PCNX2: variants seen among roughly 807,000 people sequenced by gnomAD.
PCNX2 encodes pecanex 2.
PCNX2 carries 168 observed loss-of-function variants against 223.8 expected under a neutral mutation model. The observed-to-expected ratio is 0.75, with a 90% CI of 0.66 to 0.85. PCNX2 has a LOEUF of 0.85. PCNX2 is among the 40% of genes least tolerant of loss of function. PCNX2 has a pLI of 0.00. For synonymous variants in PCNX2, 1,006 were observed against 1,052.6 expected, an observed-to-expected ratio of 0.96 and a Z score of 0.86; for missense variants, 2,507 against 2,675.5, an observed-to-expected ratio of 0.94 and a Z score of 1.39.
chr1:233,111,772 C>A (rs1269145932), intron 21 of PCNX2, among the ~76,000 whole-genome samples: 1 of 152,168 alleles, frequency 6.6e-6, no homozygotes, highest in Non-Finnish European at 1.5e-5. Context: ...TGGCAGCAGG[C>A]ACTGGTATTA....
chr1:233,236,390 T>C, intron 9 of PCNX2, among the ~76,000 whole-genome samples: 1 of 152,256 alleles, frequency 6.6e-6, no homozygotes, highest in Admixed American at 6.5e-5. Flanking sequence ...TTTTTAGACC[T>C]CTTGATGATA....
chr1:233,198,664 A>C (rs891582450), intron 15 of PCNX2, among the ~76,000 whole-genome samples: 1 of 152,204 alleles, frequency 6.6e-6, no homozygotes, highest in Admixed American at 6.5e-5. Context: ...CATGTTAAGC[A>C]GCAGCCCCTC....
intron 19 of PCNX2, among the ~76,000 whole-genome samples, chr1:233,149,319 T>C (rs1023381496): frequency 1.3e-5 from 2 of 152,216 alleles, no homozygotes; most frequent in Admixed American, 6.5e-5. Flanking sequence ...TAAGTTCTTC[T>C]CCATAATTAA....
intron 1 of PCNX2, among the ~76,000 whole-genome samples, chr1:233,275,613 A>G (rs1660865885): frequency 6.6e-6 from 1 of 152,246 alleles, no homozygotes; most frequent in African/African-American, 2.4e-5. Context: ...GACTTCTTCA[A>G]AAAATTAATA....
Position 233,006,147 on chromosome 1 carries a change from A to C in PCNX2, c.4953-4466T>G, listed in dbSNP as rs113256848. Among the ~76,000 whole-genome samples, 290 of 152,340 alleles carry C rather than the reference A, an allele frequency of 1.9e-3. 1 individual carries two copies. Among genetic ancestry groups the C allele is most frequent in the African/African-American group, 6.9e-3 (285 of 41,578 alleles). On this transcript the variant is annotated intron_variant, in intron 28 of 33. Coordinates refer to ENST00000258229, the MANE Select transcript of PCNX2 (RefSeq NM_014801.4). ...GCACCAGCTTCCATGGCACCATGGA[A>C]GTGCTAAATACTGTCATAAATAAAA... is the stretch of plus-strand genomic sequence containing the variant.
chr1:233,054,755 ATTAT>A (rs1672126391), intron 24 of PCNX2: 1 of 231,732 alleles, frequency 4.3e-6, no homozygotes, highest in Non-Finnish European at 8.3e-6. Flanking sequence ...CATTGCTAGT[ATTAT>A]TTGTTAAATA....
chr1:233,057,390 G>T (rs1672232984), intron 23 of PCNX2, 100 bp from the exon 24 acceptor site: 1 of 882,574 alleles, frequency 1.1e-6, no homozygotes, highest in South Asian at 1.4e-5. Context: ...ATGCAAAGGT[G>T]ACAGATCTCA....
chr1:233,193,236 A>G (rs1468643751), intron 15 of PCNX2, among the ~76,000 whole-genome samples: 1 of 151,674 alleles, frequency 6.6e-6, no homozygotes, highest in Non-Finnish European at 1.5e-5. Flanking sequence ...AAGGAAAACT[A>G]TAAGGAGAGG....
At chr1:233,029,299 C>T (rs1403730525) in intron 25 of PCNX2, among the ~76,000 whole-genome samples, 1 of 152,104 alleles carries the variant, frequency 6.6e-6, no homozygotes, top group Non-Finnish European at 1.5e-5. Context: ...ATGAGTCCTC[C>T]AATGATATAA....
chr1:233,303,852 A>G, the PCNX2 span, among the ~76,000 whole-genome samples: 1 of 151,916 alleles, frequency 6.6e-6, no homozygotes, highest in African/African-American at 2.4e-5. Flanking sequence ...TTTACTTTTA[A>G]CTTTTCTGTG....
At position 232,986,188 on chromosome 1, in the gene PCNX2, A is replaced by G. The variant is rs371560968; in HGVS notation, c.6144T>C (p.Ser2048=). ...CACTGGTATTGCCCCCCTCCGCAGC[A>G]GAGAGTCCGGAAATGACGAGCGCGC... The part of the protein sequence containing the change: ...FSSALVISGL[S]AAEGGNTSDT... Residue 2048 remains serine, a synonymous_variant, in exon 33 of 34, where the codon TCT becomes TCC. Transcript: ENST00000258229. 61 of 1,561,452 alleles carry G rather than the reference A, an allele frequency of 3.9e-5. No individual in the cohort carries two copies. In the African/African-American group the frequency reaches 7.3e-4, roughly 19 times the overall value.
chr1:233,038,954 C>T (rs1671550870), intron 25 of PCNX2, among the ~76,000 whole-genome samples: 1 of 152,174 alleles, frequency 6.6e-6, no homozygotes, highest in Admixed American at 6.5e-5. Context: ...TGTGTAGCTA[C>T]ATCCTGATAA....
chr1:233,227,476 A>C (rs2102946311), intron 9 of PCNX2, 105 bp from the exon 10 acceptor site: 1 of 999,306 alleles, frequency 1.0e-6, no homozygotes, highest in Non-Finnish European at 1.3e-6. Context: ...ATATATGTAC[A>C]CCATAATTTA....
chr1:233,106,501 T>C (rs990115898), intron 21 of PCNX2, among the ~76,000 whole-genome samples: 2 of 151,968 alleles, frequency 1.3e-5, no homozygotes, highest in Admixed American at 1.3e-4. Flanking sequence ...TGCAGGCACG[T>C]GCCACCACAC....
In PCNX2 at chr1:233,178,003, T is replaced by G. The variant is rs1166694791; in HGVS notation, c.3177-105A>C. On this transcript the variant is annotated intron_variant, in intron 16 of 33. Coordinates refer to ENST00000258229, the MANE Select transcript of PCNX2 (RefSeq NM_014801.4). The stretch of plus-strand genomic sequence containing the variant: ...CACACCCACACATGACAAAAACAAG[T>G]GCTCTCTTCATTTAAAAATTTATAA... The G allele has an allele frequency of 3.9e-6, 3 of 765,888 alleles. No homozygotes were observed. The South Asian group carries it at 5.4e-5, about 14-fold the overall frequency. 47.4% of individuals were successfully genotyped at this position (765,888 alleles called of 1,614,324 possible).
intron 1 of PCNX2, among the ~76,000 whole-genome samples, chr1:233,278,454 T>C (rs986500555): frequency 2.0e-5 from 3 of 152,140 alleles, no homozygotes; most frequent in African/African-American, 4.8e-5. Context: ...ATCATGTCAA[T>C]GGGACAAGCG....
At chr1:233,068,586 GC>G (rs1672717545) in intron 23 of PCNX2, among the ~76,000 whole-genome samples, 1 of 152,080 alleles carries the variant, frequency 6.6e-6, no homozygotes, top group African/African-American at 2.4e-5. Flanking sequence ...AGCAGGGGAA[GC>G]TAAATGGACA....
chr1:233,027,487 G>A (rs1383680014), intron 25 of PCNX2, among the ~76,000 whole-genome samples: 1 of 152,144 alleles, frequency 6.6e-6, no homozygotes, highest in African/African-American at 2.4e-5. Context: ...TTCCAAAGAA[G>A]CATCACTTAG....
chr1:233,025,496 C>A (rs1208559990), intron 25 of PCNX2, 97 bp from the exon 26 acceptor site: 7 of 1,466,442 alleles, frequency 4.8e-6, no homozygotes, highest in Non-Finnish European at 6.4e-6. Flanking sequence ...GGGGAAGAGG[C>A]TGAAGGGAGT....
Sources: gnomAD v4.1 joint callset for allele counts (sites outside exome capture counted in the v4.1 genomes callset) on GRCh38, gnomAD v4.1.1 for gene constraint, MANE v1.5 for transcripts, NCBI Gene and HGNC (gene_info 2026-07-23, HGNC 2026-07-21) for gene names.